The following ELK3 variants were observed in gnomAD, a reference collection of about 807,000 sequenced individuals.
ELK3 encodes ETS domain-containing protein Elk-3.
A neutral mutation model predicts 28.9 loss-of-function variants in ELK3; 10 were observed. That is an observed-to-expected ratio of 0.35 (90% CI 0.21 to 0.59). The LOEUF is 0.59. ELK3 is among the 20% of genes least tolerant of loss of function. The pLI is 0.82. For synonymous variants in ELK3, 272 were observed against 243.5 expected (o/e 1.12, Z -1.09); for missense variants, 463 against 517.3 (o/e 0.90, Z 1.02).
chr12:96,254,509 T>C (rs867393730), intron 3 of ELK3, among the ~76,000 whole-genome samples: 24 of 151,914 alleles, frequency 1.6e-4, no homozygotes, highest in African/African-American at 5.8e-4. Context: ...ACACACACAA[T>C]AGCCCTTGGC....
chr12:96,246,024 T>A (rs915073953), intron 2 of ELK3, among the ~76,000 whole-genome samples: 1 of 152,058 alleles, frequency 6.6e-6, no homozygotes, highest in South Asian at 2.1e-4. Context: ...GCAAAAAAAA[T>A]AAAAATTAAA....
chr12:96,262,730 T>C (rs773264788), intron 4 of ELK3, among the ~76,000 whole-genome samples: 1 of 152,194 alleles, frequency 6.6e-6, no homozygotes, highest in Non-Finnish European at 1.5e-5. Context: ...GAGGAATAAC[T>C]TTCTGATTTT....
chr12:96,200,697 CTG>C (rs1296490294), intron 1 of ELK3, among the ~76,000 whole-genome samples: 11 of 152,110 alleles, frequency 7.2e-5, no homozygotes. Flanking sequence ...GTGTCTGGCT[CTG>C]TTGCCCAGGC....
At chr12:96,211,265 T>C (rs887661139) in intron 1 of ELK3, among the ~76,000 whole-genome samples, 1 of 152,226 alleles carries the variant, frequency 6.6e-6, no homozygotes, top group African/African-American at 2.4e-5. Flanking sequence ...CCATGGGATC[T>C]CAGCATTGCT....
intron 1 of ELK3, among the ~76,000 whole-genome samples, chr12:96,207,108 C>G (rs973455274): frequency 6.6e-6 from 1 of 152,178 alleles, no homozygotes; most frequent in African/African-American, 2.4e-5. Flanking sequence ...GTTCCACTTA[C>G]AGTTGTTTGT....
At chr12:96,201,610 AAG>A (rs1253537414) in intron 1 of ELK3, among the ~76,000 whole-genome samples, 1 of 150,866 alleles carries the variant, frequency 6.6e-6, no homozygotes, top group Non-Finnish European at 1.5e-5. Context: ...AAAGGGATTG[AAG>A]TGGAGAAGCT....
chr12:96,195,448 T>G (rs1264171491), intron 1 of ELK3, among the ~76,000 whole-genome samples: 1 of 152,196 alleles, frequency 6.6e-6, no homozygotes, highest in African/African-American at 2.4e-5. Flanking sequence ...CATCCCTGTT[T>G]ACCTTCGAAC....
chr12:96,201,564 G>A (rs865841521), intron 1 of ELK3, among the ~76,000 whole-genome samples: 22 of 119,266 alleles, frequency 1.8e-4, no homozygotes, highest in African/African-American at 5.7e-4. Context: ...CTGGGTAACA[G>A]AGTGAAACCC....
chr12:96,226,785 T>C (rs1951705079), intron 2 of ELK3, among the ~76,000 whole-genome samples: 1 of 151,902 alleles, frequency 6.6e-6, no homozygotes, highest in Non-Finnish European at 1.5e-5. Flanking sequence ...GTTAGACTCT[T>C]AATACAGTTT....
At chr12:96,217,112 G>T (rs147900912) in intron 1 of ELK3, among the ~76,000 whole-genome samples, 9 of 152,212 alleles carry the variant, frequency 5.9e-5, no homozygotes, top group African/African-American at 2.2e-4. Flanking sequence ...TGAGCAGGGC[G>T]TGGTGGCACA....
At chr12:96,251,568 A>G (rs2137036480) in intron 3 of ELK3, among the ~76,000 whole-genome samples, 1 of 152,306 alleles carries the variant, frequency 6.6e-6, no homozygotes, top group South Asian at 2.1e-4. Context: ...AAGTATGTAA[A>G]TGTAAAGGAA....
intron 2 of ELK3, chr12:96,223,991 T>C: frequency 1.8e-6 from 1 of 554,778 alleles, no homozygotes; most frequent in South Asian, 2.2e-5. Flanking sequence ...TTGTTTCTTC[T>C]GCATTTTCGT....
intron 3 of ELK3, among the ~76,000 whole-genome samples, chr12:96,249,383 C>T (rs1365532071): frequency 6.6e-6 from 1 of 152,102 alleles, no homozygotes; most frequent in Admixed American, 6.5e-5. Flanking sequence ...TGACGCGCGC[C>T]ACTGCGGAGG....
intron 3 of ELK3, among the ~76,000 whole-genome samples, chr12:96,256,831 CGGGCCG>C (rs559943750): frequency 6.6e-5 from 10 of 152,108 alleles, no homozygotes; most frequent in Non-Finnish European, 1.3e-4. Context: ...GAGGAGGCAG[CGGGCCG>C]GGGCAGGGGT....
intron 2 of ELK3, among the ~76,000 whole-genome samples, chr12:96,243,230 T>C (rs1046357349): frequency 1.7e-4 from 26 of 152,226 alleles, no homozygotes; most frequent in African/African-American, 6.3e-4. Context: ...GCTCTGAGTA[T>C]AGAGTTCTGC....
intron 1 of ELK3, among the ~76,000 whole-genome samples, 193 bp from the exon 2 acceptor site, chr12:96,223,372 C>T (rs1028030064): frequency 6.6e-6 from 1 of 152,130 alleles, no homozygotes; most frequent in Non-Finnish European, 1.5e-5. Flanking sequence ...AATTGTGGCT[C>T]CTTACAGAAA....
At chr12:96,211,369 G>A (rs1951576658) in intron 1 of ELK3, among the ~76,000 whole-genome samples, 1 of 151,978 alleles carries the variant, frequency 6.6e-6, no homozygotes, top group South Asian at 2.1e-4. Flanking sequence ...ATAAATCCTG[G>A]TGAAATTATG....
At chr12:96,220,213 T>C (rs1951652383) in intron 1 of ELK3, among the ~76,000 whole-genome samples, 1 of 152,114 alleles carries the variant, frequency 6.6e-6, no homozygotes, top group Non-Finnish European at 1.5e-5. Flanking sequence ...GCCTGTTCCC[T>C]TTCTACTCTT....
intron 4 of ELK3, among the ~76,000 whole-genome samples, chr12:96,264,971 G>GT (rs1240280782): frequency 2.0e-5 from 3 of 152,158 alleles, no homozygotes; most frequent in Admixed American, 1.3e-4. Flanking sequence ...ACTCGTAAGT[G>GT]GTGGAGCCCT....
Sources: allele counts gnomAD v4.1 joint callset (sites outside exome capture counted in the v4.1 genomes callset), GRCh38; gene constraint gnomAD v4.1.1; transcripts MANE v1.5; gene names NCBI Gene and HGNC (gene_info 2026-07-23, HGNC 2026-07-21).